TRHDE: variants seen among roughly 807,000 people sequenced by gnomAD.
The protein encoded by TRHDE is thyrotropin releasing hormone degrading enzyme, also known as thyrotropin-releasing hormone-degrading ectoenzyme.
In TRHDE, 72 loss-of-function variants were observed where a neutral mutation model predicts 125.7. That is an observed-to-expected ratio of 0.57 (90% CI 0.47 to 0.70). TRHDE has a LOEUF of 0.70. Ranked by LOEUF, TRHDE falls within the 30% of genes least tolerant of loss-of-function variation. The pLI, the probability that TRHDE is intolerant of heterozygous loss-of-function variation, is 0.00. For synonymous variants in TRHDE, 509 were observed against 509.1 expected, an observed-to-expected ratio of 1.00 and a Z score of 0.00; for missense variants, 1,110 against 1,327.1, an observed-to-expected ratio of 0.84 and a Z score of 2.54.
intron 12 of TRHDE, among the ~76,000 whole-genome samples, chr12:72,610,384 A>G (rs1316401789): frequency 7.2e-5 from 11 of 152,210 alleles, no homozygotes; most frequent in Non-Finnish European, 1.6e-4. Context: ...TAGTGAGAGA[A>G]GATCAACTGG....
At chr12:72,455,745 C>CT (rs1294026147) in intron 3 of TRHDE, among the ~76,000 whole-genome samples, 1 of 152,006 alleles carries the variant, frequency 6.6e-6, no homozygotes, top group African/African-American at 2.4e-5. Context: ...ATTGTATTTA[C>CT]TTAGCTAATT....
At chr12:72,402,856 C>T (rs369774371) in intron 3 of TRHDE, among the ~76,000 whole-genome samples, 96 of 152,222 alleles carry the variant, frequency 6.3e-4, no homozygotes, top group African/African-American at 2.2e-3. Flanking sequence ...GACCATCTGA[C>T]TCTCATATGG....
chr12:72,300,281 C>A (rs1056037630), intron 2 of TRHDE, among the ~76,000 whole-genome samples: 1 of 151,688 alleles, frequency 6.6e-6, no homozygotes, highest in Admixed American at 6.6e-5. Context: ...TTTTTCACAT[C>A]TTTTCTCACT....
chr12:72,637,377 A>ATTTGATTCTTTTCTC (rs1873808904), intron 15 of TRHDE, among the ~76,000 whole-genome samples: 1 of 151,872 alleles, frequency 6.6e-6, no homozygotes, highest in Non-Finnish European at 1.5e-5. Flanking sequence ...TATTGCATCT[A>ATTTGATTCTTTTCTC]TTTGATTCTT....
At chr12:72,605,969 AT>A (rs1463206719) in intron 12 of TRHDE, among the ~76,000 whole-genome samples, 1 of 152,172 alleles carries the variant, frequency 6.6e-6, no homozygotes, top group Non-Finnish European at 1.5e-5. Context: ...GACAAACAAA[AT>A]GTCCTTCTTA....
At chr12:72,200,113 T>G (rs1460017087) in intron 2 of TRHDE, among the ~76,000 whole-genome samples, 3 of 152,218 alleles carry the variant, frequency 2.0e-5, no homozygotes, top group Non-Finnish European at 4.4e-5. Flanking sequence ...TAAAGAGTCT[T>G]TTTATTTCTT....
chr12:72,579,752 A>G (rs1468753459), intron 12 of TRHDE, among the ~76,000 whole-genome samples: 1 of 152,048 alleles, frequency 6.6e-6, no homozygotes, highest in Admixed American at 6.5e-5. Flanking sequence ...TCCTTCTCTG[A>G]TCAATTTTTA....
intron 2 of TRHDE, among the ~76,000 whole-genome samples, chr12:72,241,667 T>C (rs1288804786): frequency 1.4e-4 from 21 of 152,178 alleles, no homozygotes; most frequent in Non-Finnish European, 4.4e-5. Context: ...CACTCAGGAC[T>C]AGGATTAATG....
chr12:72,381,104 G>C (rs558299856), intron 3 of TRHDE, among the ~76,000 whole-genome samples: 24 of 152,210 alleles, frequency 1.6e-4, no homozygotes, highest in African/African-American at 5.1e-4. Flanking sequence ...TACAACTTGG[G>C]GGGTGAGTAC....
chr12:72,659,108 T>C (rs749723912), intron 18 of TRHDE, among the ~76,000 whole-genome samples: 1 of 152,316 alleles, frequency 6.6e-6, no homozygotes, highest in Non-Finnish European at 1.5e-5. Flanking sequence ...AATCAGCATC[T>C]TTATGAATTC....
At chr12:72,111,210 T>C (rs1875307452) in intron 2 of TRHDE, among the ~76,000 whole-genome samples, 1 of 152,168 alleles carries the variant, frequency 6.6e-6, no homozygotes, top group East Asian at 1.9e-4. Flanking sequence ...GTAGTCCATT[T>C]CAGAGAGCAG....
intron 2 of TRHDE, among the ~76,000 whole-genome samples, chr12:72,187,275 G>T (rs1877236369): frequency 6.7e-6 from 1 of 148,756 alleles, no homozygotes; most frequent in Non-Finnish European, 1.5e-5. Flanking sequence ...CTTGGTTAAG[G>T]TCATGTAGTG....
At chr12:72,250,842 A>G (rs1281461942) in intron 2 of TRHDE, among the ~76,000 whole-genome samples, 1 of 133,516 alleles carries the variant, frequency 7.5e-6, no homozygotes, top group Non-Finnish European at 1.7e-5. Flanking sequence ...TTACAGATAT[A>G]TATATATATA....
chr12:72,649,650 G>T (rs1349557449), intron 15 of TRHDE, among the ~76,000 whole-genome samples: 1 of 151,984 alleles, frequency 6.6e-6, no homozygotes, highest in Non-Finnish European at 1.5e-5. Flanking sequence ...CTGAATAAGG[G>T]TTTATCTCCA....
chr12:72,251,065 A>G (rs4426171), intron 2 of TRHDE, among the ~76,000 whole-genome samples: 107,837 of 151,340 alleles, frequency 0.71, 39,558 homozygotes, highest in Non-Finnish European at 0.81. Context: ...ACATCATCTT[A>G]CATAACTATA....
chr12:72,311,975 G>T (rs1868564155), intron 2 of TRHDE, among the ~76,000 whole-genome samples: 1 of 152,032 alleles, frequency 6.6e-6, no homozygotes, highest in Non-Finnish European at 1.5e-5. Context: ...CTGGATTGTA[G>T]CAAAGATGTA....
chr12:72,522,548 T>A (rs1020208501), intron 6 of TRHDE, among the ~76,000 whole-genome samples: 8 of 152,146 alleles, frequency 5.3e-5, no homozygotes, highest in Non-Finnish European at 7.4e-5. Flanking sequence ...GAGTTTTGAT[T>A]TTTTTTATTG....
chr12:72,548,583 A>AT (rs1398174290), intron 7 of TRHDE, among the ~76,000 whole-genome samples: 1 of 151,664 alleles, frequency 6.6e-6, no homozygotes, highest in Non-Finnish European at 1.5e-5. Flanking sequence ...AATTCAAGTA[A>AT]TTATTCTTTT....
chr12:72,295,428 C>T (rs1880258246), intron 2 of TRHDE, among the ~76,000 whole-genome samples: 1 of 152,136 alleles, frequency 6.6e-6, no homozygotes, highest in Admixed American at 6.5e-5. Context: ...TCTGTTTCAA[C>T]CTCATGGATG....
Sources: allele counts gnomAD v4.1 joint callset (sites outside exome capture counted in the v4.1 genomes callset), GRCh38; gene constraint gnomAD v4.1.1; transcripts MANE v1.5; gene names NCBI Gene and HGNC (gene_info 2026-07-23, HGNC 2026-07-21).